The following ASXL3 variants were observed in gnomAD, a reference collection of about 807,000 sequenced individuals.
ASXL3 encodes ASXL transcriptional regulator 3.
A neutral mutation model predicts 170.6 loss-of-function variants in ASXL3; 34 were observed. The observed-to-expected ratio is 0.20, with a 90% confidence interval of 0.15 to 0.27. The LOEUF (loss-of-function observed/expected upper bound fraction) is 0.27, where lower values mean the gene tolerates loss of function less well. ASXL3 is among the 10% of genes least tolerant of loss of function. The probability of loss-of-function intolerance (pLI) is 1.00; values close to 1 mark genes in which losing one functional copy is unlikely to be tolerated. For missense variants in ASXL3, 2,592 were observed against 2,695.3 expected (o/e 0.96, Z 0.85); for synonymous variants, 1,002 against 989.1 (o/e 1.01, Z -0.24).
chr18:33,623,845 TG>T (rs2065556429), intron 2 of ASXL3, among the ~76,000 whole-genome samples: 2 of 152,292 alleles, frequency 1.3e-5, no homozygotes, highest in South Asian at 4.1e-4. Flanking sequence ...GAGCCTCAGT[TG>T]TTTTTAATAT....
At position 33,740,005 on chromosome 18, in the gene ASXL3, C is replaced by G; in HGVS notation, c.2601C>G (p.Ser867Arg). 1 of 1,613,654 alleles carries G rather than the reference C, an allele frequency of 6.2e-7. No individual in the cohort carries two copies. The highest frequency in any genetic ancestry group is 2.2e-5 in the East Asian group (1 of 44,886). Residue 867 changes from serine to arginine, a missense_variant, in exon 11 of 12, where the codon AGC (serine) becomes AGG (arginine). Ser to Arg is a moderately radical substitution (Grantham distance 110). Coordinates refer to ENST00000269197, the MANE Select transcript of ASXL3 (RefSeq NM_030632.3). ...AAATGATAAAAGTTAAAAATCATAG[C>G]GTCCTGCAAAGAACAGAAAAAAAAG... ...STEMIKVKNH[S>R]VLQRTEKKVL...
intron 1 of ASXL3, among the ~76,000 whole-genome samples, chr18:33,596,920 A>T (rs1422081857): frequency 1.3e-5 from 2 of 152,102 alleles, no homozygotes; most frequent in African/African-American, 4.8e-5. Context: ...GACTCAAAAG[A>T]TCCTTCCACC....
chr18:33,646,080 G>GT (rs1212722260), intron 3 of ASXL3, among the ~76,000 whole-genome samples, 165 bp from the exon 4 acceptor site: 597 of 145,610 alleles, frequency 4.1e-3, no homozygotes, highest in Admixed American at 5.8e-3. Flanking sequence ...GCTTTACCCA[G>GT]TTTTTTTTTT....
At chr18:33,713,347 C>T (rs886560548) in intron 8 of ASXL3, among the ~76,000 whole-genome samples, 7 of 141,790 alleles carry the variant, frequency 4.9e-5, no homozygotes, top group East Asian at 4.2e-4. Context: ...CTCCACCCCC[C>T]CCCGGGTTCA....
rs891471473 is a variant in ASXL3 at position 33,589,523 on chromosome 18, G to C, written c.54+10838G>C. ...AAGGGGTGATTGAAGAAAGGGCACA[G>C]TAAAAGAAAAGAACAGGATATAGTG... On this transcript the variant is annotated intron_variant, in intron 1 of 11. Coordinates refer to ENST00000269197, the MANE Select transcript of ASXL3 (RefSeq NM_030632.3). 2.0e-5 allele frequency among the ~76,000 whole-genome samples: 3 copies of C among 152,134 alleles called. No individual in the cohort carries two copies. The East Asian group carries it at 5.8e-4, about 29-fold the overall frequency.
chr18:33,663,843 C>T (rs1245380288), intron 5 of ASXL3, among the ~76,000 whole-genome samples: 1 of 152,120 alleles, frequency 6.6e-6, no homozygotes, highest in Non-Finnish European at 1.5e-5. Flanking sequence ...GCATTTTAAA[C>T]TGTAGCAACC....
Position 33,743,969 on chromosome 18 carries a change from T to G in ASXL3, c.4121T>G (p.Ile1374Arg), listed in dbSNP as rs375694471. The G allele has an allele frequency of 1.2e-6, 2 of 1,613,922 alleles. No homozygotes were observed. The highest frequency in any genetic ancestry group is 1.6e-4 in the Middle Eastern group (1 of 6,084). Residue 1374 changes from isoleucine to arginine, a missense_variant, in exon 12 of 12, where the codon ATA (isoleucine) becomes AGA (arginine). Transcript: ENST00000269197. ...GINNRFPSEKIAIPGSEEQAT... is the reference protein window; with the variant it reads ...GINNRFPSEKRAIPGSEEQAT... ...AACAACAGATTTCCTTCTGAGAAGA[T>G]AGCCATACCTGGGAGTGAAGAACAG...
At chr18:33,699,987 T>G (rs545259233) in intron 8 of ASXL3, among the ~76,000 whole-genome samples, 1 of 152,246 alleles carries the variant, frequency 6.6e-6, no homozygotes, top group South Asian at 2.1e-4. Flanking sequence ...TTTCATTTAT[T>G]TGTTCAGGAG....
At chr18:33,620,453 C>T (rs2065493273) in intron 2 of ASXL3, among the ~76,000 whole-genome samples, 1 of 152,092 alleles carries the variant, frequency 6.6e-6, no homozygotes, top group Non-Finnish European at 1.5e-5. Flanking sequence ...TCCCACTCTC[C>T]CCCACTACGA....
At chr18:33,647,626 TC>T (rs2065935299) in intron 4 of ASXL3, among the ~76,000 whole-genome samples, 1 of 152,058 alleles carries the variant, frequency 6.6e-6, no homozygotes, top group South Asian at 2.1e-4. Context: ...CTGCAGTTGC[TC>T]CTAGTGTGGT....
intron 6 of ASXL3, 24 bp from the exon 7 acceptor site, chr18:33,671,715 GATAATGAC>G: frequency 6.4e-7 from 1 of 1,554,406 alleles, no homozygotes; most frequent in Non-Finnish European, 8.7e-7. Flanking sequence ...AGCTAGAGAA[GATAATGAC>G]ATAATAACTA....
intron 8 of ASXL3, among the ~76,000 whole-genome samples, chr18:33,725,835 C>G (rs1194608759): frequency 6.6e-6 from 1 of 152,144 alleles, no homozygotes; most frequent in Non-Finnish European, 1.5e-5. Context: ...CTTTTTGTCT[C>G]ATCTTTCTCA....
At chr18:33,681,381 A>G (rs2066511953) in intron 7 of ASXL3, among the ~76,000 whole-genome samples, 1 of 152,170 alleles carries the variant, frequency 6.6e-6, no homozygotes, top group African/African-American at 2.4e-5. Context: ...AAGATTCTCT[A>G]AAGGATAGAG....
intron 7 of ASXL3, among the ~76,000 whole-genome samples, chr18:33,680,018 TTTC>T (rs2066490341): frequency 6.6e-6 from 1 of 152,008 alleles, no homozygotes; most frequent in Non-Finnish European, 1.5e-5. Flanking sequence ...TCTTTCCTTC[TTTC>T]TTATTATTCT....
chr18:33,643,348 T>C (rs1599435202), intron 2 of ASXL3, among the ~76,000 whole-genome samples: 1 of 151,980 alleles, frequency 6.6e-6, no homozygotes, highest in East Asian at 1.9e-4. Context: ...GAGAAAAATA[T>C]TTTGTGAGAG....
In ASXL3 at chr18:33,746,124, C is replaced by T; in HGVS notation, c.6276C>T (p.Ser2092=). The T allele has an allele frequency of 6.2e-7, 1 of 1,613,728 alleles. No homozygotes were observed. The highest frequency in any genetic ancestry group is 1.3e-5 in the African/African-American group (1 of 74,960). ...TTTCTTTTGAGGAAGGTTTAAGCAG[C>T]AGCTGTGAACTGGGCATGAAACAAG... ...EPLSFEEGLS[S]SCELGMKQVS... is the part of the protein sequence containing the mutation. Residue 2092 remains serine, a synonymous_variant, in exon 12 of 12, where the codon AGC becomes AGT. Transcript: ENST00000269197.
At chr18:33,722,783 T>C (rs1022153752) in intron 8 of ASXL3, among the ~76,000 whole-genome samples, 1 of 152,174 alleles carries the variant, frequency 6.6e-6, no homozygotes, top group East Asian at 1.9e-4. Context: ...CATTGGGCTT[T>C]TATAGCTAGA....
In ASXL3 at chr18:33,745,084, A is replaced by C. The variant is rs767675643; in HGVS notation, c.5236A>C (p.Asn1746His). ...CTGTCGTCTGTCCTCTGTGGAGGCT[A>C]ACAATCCGCTGGTGACGCAGTTACT... The part of the protein sequence containing the change: ...SGCRLSSVEA[N>H]NPLVTQLLQG... Residue 1746 changes from asparagine to histidine, a missense_variant, in exon 12 of 12, where the codon AAC (asparagine) becomes CAC (histidine). Coordinates refer to ENST00000269197, the MANE Select transcript of ASXL3 (RefSeq NM_030632.3). The C allele has an allele frequency of 6.2e-7, 1 of 1,613,994 alleles. No homozygotes were observed. The highest frequency in any genetic ancestry group is 1.1e-5 in the South Asian group (1 of 91,082).
rs1476495797 is a variant in ASXL3 at position 33,748,276 on chromosome 18, T to G, written c.*1681T>G. ...ATTACATTCCTGAAAACAAGAACAC[T>G]TGTGATTTTTTTATAATAACCAACT... On this transcript the variant is annotated 3_prime_UTR_variant, in exon 12 of 12. Coordinates refer to ENST00000269197, the MANE Select transcript of ASXL3 (RefSeq NM_030632.3). 1 of 152,180 alleles carries G rather than the reference T, an allele frequency of 6.6e-6. No homozygotes were observed. Among genetic ancestry groups the G allele is most frequent in the African/African-American group, 2.4e-5 (1 of 41,442 alleles). 9.4% of individuals were successfully genotyped at this position (152,180 alleles called of 1,614,324 possible).
Sources: gnomAD v4.1 joint callset for allele counts (sites outside exome capture counted in the v4.1 genomes callset) on GRCh38, gnomAD v4.1.1 for gene constraint, MANE v1.5 for transcripts, NCBI Gene and HGNC (gene_info 2026-07-23, HGNC 2026-07-21) for gene names.